The following ZNF264 variants were observed in gnomAD, a reference collection of about 807,000 sequenced individuals.
ZNF264 encodes the protein zinc finger protein 264.
ZNF264 carries 11 observed loss-of-function variants against 11.2 expected under a neutral mutation model. That is an observed-to-expected ratio of 0.98 (90% CI 0.62 to 1.63). The LOEUF is 1.63. Ranked by LOEUF, ZNF264 falls within the 40% of genes most tolerant of loss-of-function variation. ZNF264 has a pLI of 0.00. For synonymous variants in ZNF264, 309 were observed against 279.8 expected (o/e 1.10, Z -1.04); for missense variants, 752 against 768.1 (o/e 0.98, Z 0.25).
chr19:57,196,049 A>G (rs1453365258), intron 2 of ZNF264, among the ~76,000 whole-genome samples: 1 of 151,824 alleles, frequency 6.6e-6, no homozygotes, highest in African/African-American at 2.4e-5. Flanking sequence ...TACATGGCCT[A>G]CTGGAGAACT....
rs1198305532 is a variant in ZNF264 at position 57,222,383 on chromosome 19, T to G, written c.*9402T>G. 3 of 150,096 alleles carry G rather than the reference T, an allele frequency of 2.0e-5. No individual in the cohort carries two copies. The East Asian group carries it at 5.8e-4, about 29-fold the overall frequency. The allele number at this position is 150,096 out of a possible 1,614,324, so 9.3% of individuals were successfully genotyped here. On this transcript the variant is annotated 3_prime_UTR_variant, in exon 4 of 4. Transcript: ENST00000263095. Reference sequence around the variant, plus strand: ...AAAAAAAAAAATGCCTCAGTTTTGTTAAGAGGAAAAAGCAAATCCTAAGTT... The same window carrying G: ...AAAAAAAAAAATGCCTCAGTTTTGTGAAGAGGAAAAAGCAAATCCTAAGTT...
rs1418529032 is a variant in ZNF264, at chr19:57,211,551, G to T, written c.454G>T (p.Gly152Trp). ...PGIDPQEKSPGKMSPECDGLG... is the reference protein window; with the variant it reads ...PGIDPQEKSPWKMSPECDGLG... ...AATAGATCCCCAGGAGAAGTCTCCTGGGAAGATGAGCCCTGAATGTGATGG... is the reference window on the plus strand; with the variant it reads ...AATAGATCCCCAGGAGAAGTCTCCTTGGAAGATGAGCCCTGAATGTGATGG... Residue 152 changes from glycine to tryptophan, a missense_variant, in exon 4 of 4, where the codon GGG becomes TGG. Coordinates refer to ENST00000263095, the MANE Select transcript of ZNF264 (RefSeq NM_003417.5). 4 of 1,613,934 alleles carry T rather than the reference G, an allele frequency of 2.5e-6. No individual in the cohort carries two copies. Among genetic ancestry groups the T allele is most frequent in the Non-Finnish European group, 2.5e-6 (3 of 1,179,996 alleles).
At chr19:57,193,554 AACC>A (rs2087190404) in intron 1 of ZNF264, 1 of 984,738 alleles carries the variant, frequency 1.0e-6, no homozygotes, top group Non-Finnish European at 1.2e-6. Context: ...CTGCCGTTGT[AACC>A]ATTATTGCTA....
In ZNF264 at chr19:57,221,967, G is replaced by A. The variant is rs1009615316; in HGVS notation, c.*8986G>A. 5.3e-5 allele frequency: 8 copies of A among 152,110 alleles called. No homozygotes were observed. The highest frequency in any genetic ancestry group is 8.8e-5 in the Non-Finnish European group (6 of 68,030). The allele number at this position is 152,110 out of a possible 1,614,324, so 9.4% of individuals were successfully genotyped here. On this transcript the variant is annotated 3_prime_UTR_variant, in exon 4 of 4. Coordinates refer to ENST00000263095, the MANE Select transcript of ZNF264 (RefSeq NM_003417.5). ...ACAGTGACTTAAGTGGTACTAAAAT[G>A]CTATATAAGTCAAATTTACGTAACA...
intron 1 of ZNF264, 138 bp downstream of exon 1, chr19:57,192,084 C>T (rs937847656): frequency 1.4e-5 from 12 of 862,398 alleles, no homozygotes; most frequent in Non-Finnish European, 6.4e-6. Context: ...TGGTTTGCCA[C>T]TTAATTTATA....
At chr19:57,192,000 T>G in intron 1 of ZNF264, 54 bp downstream of exon 1, 1 of 1,477,592 alleles carries the variant, frequency 6.8e-7, no homozygotes, top group Non-Finnish European at 9.0e-7. Flanking sequence ...CTGAGGCGGT[T>G]TCCGAAGTGG....
rs555873824 is a variant in ZNF264, at chr19:57,219,676, G to C, written c.*6695G>C. 2.0e-5 allele frequency: 3 copies of C among 152,264 alleles called. No homozygotes were observed. Among genetic ancestry groups the C allele is most frequent in the African/African-American group, 7.2e-5 (3 of 41,536 alleles). 9.4% of individuals were successfully genotyped at this position (152,264 alleles called of 1,614,324 possible). A position where few individuals can be genotyped will look rare whatever the true frequency, so the allele number is the denominator to read the frequency against. On this transcript the variant is annotated 3_prime_UTR_variant, in exon 4 of 4. Transcript: ENST00000263095. ...TTCCTTCCAACTCTTAAACATTTTT[G>C]TTTCCCAGAATCCATCATTGGCCAT...
rs1483685827 is a variant in ZNF264 at position 57,193,924 on chromosome 19, G to A, written c.83G>A (p.Trp28Ter). 2 of 1,613,978 alleles carry A rather than the reference G, an allele frequency of 1.2e-6. No individual in the cohort carries two copies. The highest frequency in any genetic ancestry group is 2.7e-5 in the African/African-American group (2 of 74,930). Reference sequence around the variant, plus strand: ...GCTGTGACTTTCACCAAGGAGGAGTGGGGGCAGCTGGACCTAGCTCAGCGG... The same window carrying A: ...GCTGTGACTTTCACCAAGGAGGAGTAGGGGCAGCTGGACCTAGCTCAGCGG... The part of the protein sequence containing the change: ...DVAVTFTKEE[W>*]GQLDLAQRTL... Residue 28 changes from tryptophan (W) to a stop codon, truncating the protein, a stop_gained, in exon 2 of 4, where the codon TGG becomes TAG. Coordinates refer to ENST00000263095, the MANE Select transcript of ZNF264 (RefSeq NM_003417.5). LOFTEE classifies it high-confidence loss of function.
intron 2 of ZNF264, among the ~76,000 whole-genome samples, chr19:57,197,824 A>G (rs1353042106): frequency 6.6e-6 from 1 of 151,908 alleles, no homozygotes; most frequent in Non-Finnish European, 1.5e-5. Context: ...GACCCCTAGA[A>G]ATTTTACTGA....
chr19:57,196,914 A>G (rs1226029833), intron 2 of ZNF264, among the ~76,000 whole-genome samples: 4 of 151,884 alleles, frequency 2.6e-5, no homozygotes, highest in African/African-American at 9.7e-5. Flanking sequence ...TTCTCCTTCC[A>G]TGGAAAGTGC....
chr19:57,212,278 C>T lies in ZNF264; in HGVS notation c.1181C>T (p.Thr394Ile). 5 of 1,614,090 alleles carry T rather than the reference C, an allele frequency of 3.1e-6. No homozygotes were observed. Among genetic ancestry groups the T allele is most frequent in the Non-Finnish European group, 3.4e-6 (4 of 1,180,022 alleles). The change falls in exon 4 of 4, where the codon ACT becomes ATT. Residue 394 changes from threonine to isoleucine, a missense_variant. Physicochemically the swap from Thr to Ile is moderately conservative, Grantham distance 89 (BLOSUM62 -1). Coordinates refer to ENST00000263095, the MANE Select transcript of ZNF264 (RefSeq NM_003417.5). ...CTGATTCACCACTATGTCATCCACACTGGAGAGAAGCCCTTTGAGTGCCTC... is the reference window on the plus strand; with the variant it reads ...CTGATTCACCACTATGTCATCCACATTGGAGAGAAGCCCTTTGAGTGCCTC... ...AALIHHYVIH[T>I]GEKPFECLEC...
In ZNF264 at chr19:57,221,833, T is replaced by G. The variant is rs921857687; in HGVS notation, c.*8852T>G. 1.3e-5 allele frequency: 2 copies of G among 152,018 alleles called. No homozygotes were observed. The highest frequency in any genetic ancestry group is 4.8e-5 in the African/African-American group (2 of 41,394). 9.4% of individuals were successfully genotyped at this position (152,018 alleles called of 1,614,324 possible). Reference sequence around the variant, plus strand: ...AACAGGGCAGTGAGCTACTCCTGTTTTGGGTGGGTGGAGCAGTAGTAAGCC... The same window carrying G: ...AACAGGGCAGTGAGCTACTCCTGTTGTGGGTGGGTGGAGCAGTAGTAAGCC... On this transcript the variant is annotated 3_prime_UTR_variant, in exon 4 of 4. Coordinates refer to ENST00000263095, the MANE Select transcript of ZNF264 (RefSeq NM_003417.5).
chr19:57,211,921 C>T lies in ZNF264; in HGVS notation c.824C>T (p.Thr275Ile). 2 of 1,613,010 alleles carry T rather than the reference C, an allele frequency of 1.2e-6. No individual in the cohort carries two copies. Among genetic ancestry groups the T allele is most frequent in the Admixed American group, 1.7e-5 (1 of 59,916 alleles). The part of the protein sequence containing the change: ...GKAFNRKSYL[T>I]QHQRIHSGEK... Reference sequence around the variant, plus strand: ...GCCTTCAACCGCAAGTCATACCTTACCCAGCACCAGCGGATTCACAGTGGA... The same window carrying T: ...GCCTTCAACCGCAAGTCATACCTTATCCAGCACCAGCGGATTCACAGTGGA... The change falls in exon 4 of 4, where the codon ACC (threonine) becomes ATC (isoleucine). Residue 275 changes from threonine (T) to isoleucine (I), a missense_variant. Physicochemically the swap from Thr to Ile is moderately conservative, Grantham distance 89 (BLOSUM62 -1). Coordinates refer to ENST00000263095, the MANE Select transcript of ZNF264 (RefSeq NM_003417.5).
At chr19:57,205,910 T>A (rs546501228) in intron 3 of ZNF264, among the ~76,000 whole-genome samples, 1 of 152,330 alleles carries the variant, frequency 6.6e-6, no homozygotes. Flanking sequence ...ATATGAAAAC[T>A]CTTTCCCACT....
chr19:57,191,805 C>G lies in ZNF264; in HGVS notation c.-109C>G. 1 of 889,718 alleles carries G rather than the reference C, an allele frequency of 1.1e-6. No individual in the cohort carries two copies. Among genetic ancestry groups the G allele is most frequent in the Non-Finnish European group, 1.5e-6 (1 of 672,588 alleles). The allele number at this position is 889,718 out of a possible 1,614,324, so 55.1% of individuals were successfully genotyped here. A position where few individuals can be genotyped will look rare whatever the true frequency, so the allele number is the denominator to read the frequency against. On this transcript the variant is annotated 5_prime_UTR_variant, in exon 1 of 4. Transcript: ENST00000263095. The stretch of plus-strand genomic sequence containing the variant: ...GTTGCCACCGAGGAGGCGGCGGCCC[C>G]GAGCGCGCCTGGAAGCCCCGGGCAA...
At chr19:57,197,094 C>T (rs957303701) in intron 2 of ZNF264, among the ~76,000 whole-genome samples, 6 of 151,894 alleles carry the variant, frequency 4.0e-5, no homozygotes, top group South Asian at 2.1e-4. Flanking sequence ...TCTCTTCCTC[C>T]GTCAACCGAT....
At position 57,211,465 on chromosome 19, in the gene ZNF264, TG is replaced by T. The variant is rs1435379335; in HGVS notation, c.372del (p.Gln125LysfsTer20). ...CAAGGAAACTCAGTGGACTCACAGT[TG>T]GGGCAAGCCGAGGATCAGGATGGGC... ...VTQGNSVDSQ[L>X]GQAEDQDGLS... On this transcript the variant is annotated frameshift_variant, in exon 4 of 4. Transcript: ENST00000263095. LOFTEE classifies it low-confidence loss of function (END_TRUNC). The T allele has an allele frequency of 3.7e-6, 6 of 1,614,090 alleles. No homozygotes were observed. The highest frequency in any genetic ancestry group is 2.5e-6 in the Non-Finnish European group (3 of 1,180,018).
At position 57,212,825 on chromosome 19, in the gene ZNF264, T is replaced by C; in HGVS notation, c.1728T>C (p.Phe576=). The C allele has an allele frequency of 6.2e-7, 1 of 1,614,194 alleles. No homozygotes were observed. Among genetic ancestry groups the C allele is most frequent in the South Asian group, 1.1e-5 (1 of 91,080 alleles). ...PISVTDVGRP[F]TSGQTSVTLR... is the part of the protein sequence containing the mutation. ...GTGTAACAGATGTGGGAAGACCTTTTACAAGTGGACAAACCTCAGTTACCC... is the reference window on the plus strand; with the variant it reads ...GTGTAACAGATGTGGGAAGACCTTTCACAAGTGGACAAACCTCAGTTACCC... The change falls in exon 4 of 4, where the codon TTT becomes TTC. Residue 576 remains phenylalanine, a synonymous_variant. Coordinates refer to ENST00000263095, the MANE Select transcript of ZNF264 (RefSeq NM_003417.5).
intron 3 of ZNF264, among the ~76,000 whole-genome samples, chr19:57,209,403 CCAT>C (rs1256238470): frequency 2.6e-5 from 4 of 152,102 alleles, no homozygotes; most frequent in Admixed American, 1.3e-4. Flanking sequence ...ATTTAACAGA[CCAT>C]CAAGTTCCAT....
Sources: allele counts gnomAD v4.1 joint callset (sites outside exome capture counted in the v4.1 genomes callset), GRCh38; gene constraint gnomAD v4.1.1; transcripts MANE v1.5; gene names NCBI Gene and HGNC (gene_info 2026-07-23, HGNC 2026-07-21).